SCAPER: variants seen among roughly 807,000 people sequenced by gnomAD.
The protein encoded by SCAPER is S-phase cyclin A associated protein in the ER.
A neutral mutation model predicts 182.2 loss-of-function variants in SCAPER; 98 were observed. The observed-to-expected ratio is 0.54, with a 90% confidence interval of 0.46 to 0.64. The LOEUF (loss-of-function observed/expected upper bound fraction) is 0.64, where lower values mean the gene tolerates loss of function less well. Among genes scored for constraint, SCAPER ranks in the 30% least tolerant of loss-of-function variants. The pLI, the probability that SCAPER is intolerant of heterozygous loss-of-function variation, is 0.00. For synonymous variants in SCAPER, 605 were observed against 564.6 expected, an observed-to-expected ratio of 1.07 and a Z score of -1.01; for missense variants, 1,432 against 1,690.0, an observed-to-expected ratio of 0.85 and a Z score of 2.68.
intron 23 of SCAPER, among the ~76,000 whole-genome samples, chr15:76,568,988 C>G (rs1019268780): frequency 2.0e-5 from 3 of 151,840 alleles, no homozygotes; most frequent in African/African-American, 7.2e-5. Flanking sequence ...TTTAAATTTT[C>G]TATATATAAC....
rs79872582 is a variant in SCAPER, at chr15:76,359,666, G to A, written c.3856-5526C>T. Among the ~76,000 whole-genome samples the A allele has an allele frequency of 3.3e-5, 5 of 152,290 alleles. No homozygotes were observed. In the East Asian group the frequency reaches 9.6e-4, roughly 29 times the overall value. ...GCACTTAAGGAAATCCTTAAGCCCA[G>A]GAAGTCTTCCCAGGCAGAACAGCCA... On this transcript the variant is annotated intron_variant, in intron 29 of 31. Transcript: ENST00000563290.
intron 5 of SCAPER, among the ~76,000 whole-genome samples, chr15:76,834,554 A>T (rs1045856813): frequency 6.6e-6 from 1 of 152,186 alleles, no homozygotes; most frequent in African/African-American, 2.4e-5. Context: ...CCATACTAAT[A>T]AGGAAGAGCT....
intron 21 of SCAPER, among the ~76,000 whole-genome samples, chr15:76,647,351 T>C (rs2054631870): frequency 6.6e-6 from 1 of 152,232 alleles, no homozygotes; most frequent in Non-Finnish European, 1.5e-5. Context: ...TCCTTTCTAC[T>C]ACAAGCAACT....
At chr15:76,376,348 C>T in intron 28 of SCAPER, 37 bp from the exon 29 acceptor site, 1 of 1,559,266 alleles carries the variant, frequency 6.4e-7, no homozygotes, top group Non-Finnish European at 8.7e-7. Flanking sequence ...GCCCTCAGCC[C>T]AGGGAGAGCC....
At chr15:76,843,929 C>A (rs998222899) in intron 4 of SCAPER, among the ~76,000 whole-genome samples, 1 of 152,092 alleles carries the variant, frequency 6.6e-6, no homozygotes, top group African/African-American at 2.4e-5. Context: ...GATATACTTG[C>A]TATGTGCCAA....
intron 26 of SCAPER, among the ~76,000 whole-genome samples, chr15:76,422,089 T>C (rs1189997629): frequency 6.6e-6 from 1 of 152,230 alleles, no homozygotes; most frequent in African/African-American, 2.4e-5. Flanking sequence ...GGCTTAGGAT[T>C]GTCTTGGCAA....
intron 22 of SCAPER, among the ~76,000 whole-genome samples, chr15:76,606,880 T>C (rs1393874564): frequency 6.6e-6 from 1 of 152,224 alleles, no homozygotes; most frequent in Non-Finnish European, 1.5e-5. Flanking sequence ...TAGATCTTCT[T>C]CCATCCCTTT....
intron 28 of SCAPER, 36 bp downstream of exon 28, chr15:76,381,342 G>GATTGGTTAACATCGATATA: frequency 6.5e-7 from 1 of 1,544,122 alleles, no homozygotes; most frequent in Non-Finnish European, 8.9e-7. Context: ...ACTAACTCTT[G>GATTGGTTAACATCGATATA]ATTGGTTAAC....
chr15:76,428,872 A>ATATATATATATATATATATG (rs2046634791), intron 26 of SCAPER, among the ~76,000 whole-genome samples: 2 of 131,260 alleles, frequency 1.5e-5, no homozygotes, highest in Admixed American at 7.5e-5. Context: ...TATACTATAT[A>ATATATATATATATATATATG]TATATATATA....
chr15:76,869,762 T>C (rs1316085465), intron 2 of SCAPER, among the ~76,000 whole-genome samples: 1 of 152,038 alleles, frequency 6.6e-6, no homozygotes, highest in Non-Finnish European at 1.5e-5. Flanking sequence ...TGCGTATATA[T>C]CCAAAATAAA....
At chr15:76,771,277 A>G (rs2063457403) in intron 10 of SCAPER, among the ~76,000 whole-genome samples, 1 of 152,074 alleles carries the variant, frequency 6.6e-6, no homozygotes, top group Non-Finnish European at 1.5e-5. Context: ...AAATCAATGC[A>G]TTTTTAGAGA....
At chr15:76,497,977 G>A (rs419105) in intron 24 of SCAPER, among the ~76,000 whole-genome samples, 1 of 105,778 alleles carries the variant, frequency 9.5e-6, no homozygotes, top group African/African-American at 3.7e-5. Flanking sequence ...GTGATGGAGC[G>A]AGACTCCGTC....
At chr15:76,471,115 T>TAAA in intron 25 of SCAPER, 97 bp downstream of exon 25, 1 of 863,330 alleles carries the variant, frequency 1.2e-6, no homozygotes, top group Non-Finnish European at 1.5e-6. Context: ...TTTTTTTTCA[T>TAAA]CTGGAGAGTA....
At chr15:76,770,494 C>T (rs2063401395) in intron 10 of SCAPER, among the ~76,000 whole-genome samples, 1 of 152,044 alleles carries the variant, frequency 6.6e-6, no homozygotes, top group Admixed American at 6.5e-5. Context: ...AAAAAGTATT[C>T]TTAACACCTC....
intron 5 of SCAPER, among the ~76,000 whole-genome samples, chr15:76,816,126 T>C (rs1322463079): frequency 6.6e-6 from 1 of 152,198 alleles, no homozygotes; most frequent in Non-Finnish European, 1.5e-5. Context: ...CATTAGTGTA[T>C]GCTGCTGAGA....
intron 22 of SCAPER, among the ~76,000 whole-genome samples, chr15:76,586,395 G>A (rs2048658521): frequency 6.6e-6 from 1 of 151,856 alleles, no homozygotes; most frequent in Middle Eastern, 3.2e-3. Context: ...ATAAATTTAG[G>A]GCTTTATTTA....
chr15:76,388,985 C>G (rs1015228539), intron 27 of SCAPER, among the ~76,000 whole-genome samples: 6 of 151,890 alleles, frequency 4.0e-5, no homozygotes, highest in African/African-American at 1.2e-4. Flanking sequence ...CAGTCAGTCT[C>G]TGTCACAGAC....
At chr15:76,580,885 G>A (rs191286954) in intron 22 of SCAPER, among the ~76,000 whole-genome samples, 1 of 151,842 alleles carries the variant, frequency 6.6e-6, no homozygotes, top group Non-Finnish European at 1.5e-5. Flanking sequence ...TTTTTGAAAA[G>A]ATAAACAAAA....
rs771548000 is a variant in SCAPER, at chr15:76,795,321, G to A, written c.731C>T (p.Ser244Phe). ...CTTCTGCACTGTCATTGGTGGGCAA[G>A]ACTGGGCGGGTGTTATTTCTGAAGA... ...TASSEITPAQ[S>F]CPPMTVQKAS... is the part of the protein sequence containing the mutation. The change falls in exon 8 of 32, where the codon TCT (serine) becomes TTT (phenylalanine). Residue 244 changes from serine (S) to phenylalanine (F), a missense_variant. Transcript: ENST00000563290. 6.2e-7 allele frequency: 1 copy of A among 1,613,210 alleles called. No individual in the cohort carries two copies. Among genetic ancestry groups the A allele is most frequent in the Non-Finnish European group, 8.5e-7 (1 of 1,179,472 alleles).
Sources: gnomAD v4.1 joint callset for allele counts (sites outside exome capture counted in the v4.1 genomes callset) on GRCh38, gnomAD v4.1.1 for gene constraint, MANE v1.5 for transcripts, NCBI Gene and HGNC (gene_info 2026-07-23, HGNC 2026-07-21) for gene names.